OSBPL8: variants seen among roughly 807,000 people sequenced by gnomAD.
The protein encoded by OSBPL8 is oxysterol-binding protein-related protein 8.
OSBPL8 carries 59 observed loss-of-function variants against 125.5 expected under a neutral mutation model. The ratio of observed to expected loss-of-function variants is 0.47; its 90% CI spans 0.38 to 0.58. The LOEUF (loss-of-function observed/expected upper bound fraction) is 0.58, where lower values mean the gene tolerates loss of function less well. OSBPL8 is among the 20% of genes least tolerant of loss of function. The pLI, the probability that OSBPL8 is intolerant of heterozygous loss-of-function variation, is 0.00. For synonymous variants in OSBPL8, 330 were observed against 338.9 expected (o/e 0.97, Z 0.29); for missense variants, 758 against 1,047.8 (o/e 0.72, Z 3.82).
At chr12:76,470,447 T>C (rs1396332943) in intron 2 of OSBPL8, among the ~76,000 whole-genome samples, 1 of 152,220 alleles carries the variant, frequency 6.6e-6, no homozygotes, top group East Asian at 1.9e-4. Context: ...TACATGAACA[T>C]TTCAGTGTCT....
At chr12:76,393,710 C>CAAA (rs11423585) in intron 9 of OSBPL8, among the ~76,000 whole-genome samples, 1,393 of 52,256 alleles carry the variant, frequency 0.027, 242 homozygotes, top group Non-Finnish European at 0.038. Flanking sequence ...GACTCCGTTT[C>CAAA]AAAAAAAAAA....
At chr12:76,522,136 G>T (rs1366548016) in intron 1 of OSBPL8, among the ~76,000 whole-genome samples, 1 of 152,078 alleles carries the variant, frequency 6.6e-6, no homozygotes, top group Non-Finnish European at 1.5e-5. Context: ...TATTCACACT[G>T]AGTCACTTAA....
chr12:76,453,360 A>G (rs553108903), intron 3 of OSBPL8, among the ~76,000 whole-genome samples: 7 of 152,316 alleles, frequency 4.6e-5, no homozygotes, highest in Non-Finnish European at 8.8e-5. Flanking sequence ...TGATTCCTAA[A>G]AATAATTTTA....
chr12:76,534,603 G>A (rs1339946344), intron 1 of OSBPL8, among the ~76,000 whole-genome samples: 1 of 152,120 alleles, frequency 6.6e-6, no homozygotes, highest in Non-Finnish European at 1.5e-5. Context: ...CCTGGTGGTG[G>A]CAACATCTTG....
chr12:76,462,338 C>CAAG (rs1319459254), intron 2 of OSBPL8, among the ~76,000 whole-genome samples: 1 of 152,098 alleles, frequency 6.6e-6, no homozygotes, highest in African/African-American at 2.4e-5. Context: ...CAAAAATGTC[C>CAAG]AAGCATGGTT....
intron 2 of OSBPL8, among the ~76,000 whole-genome samples, chr12:76,476,120 T>C (rs564702144): frequency 1.8e-4 from 27 of 152,194 alleles, no homozygotes; most frequent in Admixed American, 1.3e-3. Context: ...GGAAATGAGG[T>C]GGAAGCTATG....
intron 1 of OSBPL8, among the ~76,000 whole-genome samples, chr12:76,549,600 AC>A (rs1950879584): frequency 6.6e-6 from 1 of 152,038 alleles, no homozygotes; most frequent in Non-Finnish European, 1.5e-5. Flanking sequence ...ACAGGGTTTC[AC>A]TATGTTGGCC....
At chr12:76,465,675 C>T (rs1482157495) in intron 2 of OSBPL8, among the ~76,000 whole-genome samples, 3 of 151,912 alleles carry the variant, frequency 2.0e-5, no homozygotes, top group African/African-American at 7.3e-5. Context: ...AATAAAATAC[C>T]TTCACACAAT....
At chr12:76,369,538 T>G (rs1277066778) in intron 20 of OSBPL8, 99 bp downstream of exon 20, 1 of 1,383,790 alleles carries the variant, frequency 7.2e-7, no homozygotes, top group Non-Finnish European at 9.8e-7. Context: ...ATACATGGTT[T>G]AATTAAATAA....
At chr12:76,504,398 C>T (rs530540961) in intron 1 of OSBPL8, among the ~76,000 whole-genome samples, 3 of 152,104 alleles carry the variant, frequency 2.0e-5, no homozygotes, top group East Asian at 1.9e-4. Context: ...GCTAAAAGCA[C>T]GGAAACTACA....
intron 1 of OSBPL8, among the ~76,000 whole-genome samples, chr12:76,531,588 G>A (rs1038790205): frequency 2.0e-5 from 3 of 152,144 alleles, no homozygotes; most frequent in African/African-American, 7.2e-5. Context: ...ATACAAACAG[G>A]AAACAATTGA....
chr12:76,355,815 A>C lies in OSBPL8; in HGVS notation c.*74T>G. 2 of 1,505,430 alleles carry C rather than the reference A, an allele frequency of 1.3e-6. No individual in the cohort carries two copies. Among genetic ancestry groups the C allele is most frequent in the Non-Finnish European group, 1.8e-6 (2 of 1,117,578 alleles). 93.3% of individuals were successfully genotyped at this position (1,505,430 alleles called of 1,614,324 possible). A position where few individuals can be genotyped will look rare whatever the true frequency, so the allele number is the denominator to read the frequency against. On this transcript the variant is annotated 3_prime_UTR_variant, in exon 24 of 24. Transcript: ENST00000261183. ...CGGAATATTGTGATTTTTAATAAAG[A>C]CCAAACCAACTTGAACACTGGTCCC...
At chr12:76,481,765 G>A (rs1877523214) in intron 2 of OSBPL8, among the ~76,000 whole-genome samples, 1 of 152,152 alleles carries the variant, frequency 6.6e-6, no homozygotes, top group Non-Finnish European at 1.5e-5. Flanking sequence ...GACAAAAACA[G>A]CAATATTTAA....
intron 1 of OSBPL8, among the ~76,000 whole-genome samples, chr12:76,546,583 T>C (rs1482385334): frequency 6.6e-6 from 1 of 152,156 alleles, no homozygotes; most frequent in African/African-American, 2.4e-5. Flanking sequence ...TTGAAGATTC[T>C]ATTTAAAATT....
chr12:76,440,598 G>A (rs1449667628), intron 4 of OSBPL8, among the ~76,000 whole-genome samples: 1 of 152,000 alleles, frequency 6.6e-6, no homozygotes, highest in Non-Finnish European at 1.5e-5. Flanking sequence ...ATATAAATAT[G>A]TGCTTGTGTT....
chr12:76,548,003 T>C lies in OSBPL8; in HGVS notation c.-68+11394A>G, dbSNP rs139186260. ...ATAAGTGTATTTTAACACTGTATCA[T>C]GATCATCATAATTTCTATGAATAAA... On this transcript the variant is annotated intron_variant, in intron 1 of 23. Transcript: ENST00000261183. 6.2e-3 allele frequency among the ~76,000 whole-genome samples: 945 copies of C among 152,308 alleles called. 6 individuals carry two copies. The highest frequency in any genetic ancestry group is 0.037 in the Middle Eastern group (11 of 294).
chr12:76,436,011 G>A (rs746809693), intron 4 of OSBPL8, among the ~76,000 whole-genome samples: 1 of 152,210 alleles, frequency 6.6e-6, no homozygotes, highest in East Asian at 1.9e-4. Context: ...ATATTCAAAT[G>A]CTCCAAAGGT....
chr12:76,517,568 A>C (rs1336932601), intron 1 of OSBPL8, among the ~76,000 whole-genome samples: 1 of 152,216 alleles, frequency 6.6e-6, no homozygotes, highest in African/African-American at 2.4e-5. Flanking sequence ...ACTTGGCTTT[A>C]AGAGCCTAAA....
intron 8 of OSBPL8, 47 bp downstream of exon 8, chr12:76,397,647 T>A (rs374651709): frequency 6.5e-7 from 1 of 1,545,934 alleles, no homozygotes. Flanking sequence ...GTTCTATTCA[T>A]GGATTATCAT....
Sources: allele counts gnomAD v4.1 joint callset (sites outside exome capture counted in the v4.1 genomes callset), GRCh38; gene constraint gnomAD v4.1.1; transcripts MANE v1.5; gene names NCBI Gene and HGNC (gene_info 2026-07-23, HGNC 2026-07-21).